The following TRPC6 variants were observed in gnomAD, a reference collection of about 807,000 sequenced individuals.
The protein encoded by TRPC6 is short transient receptor potential channel 6.
TRPC6 carries 55 observed loss-of-function variants against 90.7 expected under a neutral mutation model. The ratio of observed to expected loss-of-function variants is 0.61; its 90% confidence interval spans 0.49 to 0.76. The LOEUF (loss-of-function observed/expected upper bound fraction) is 0.76, where lower values mean the gene tolerates loss of function less well. Ranked by LOEUF, TRPC6 falls within the 30% of genes least tolerant of loss-of-function variation. The probability of loss-of-function intolerance (pLI) is 0.00; values close to 1 mark genes in which losing one functional copy is unlikely to be tolerated. For missense variants in TRPC6, 989 were observed against 1,122.7 expected (o/e 0.88, Z 1.70); for synonymous variants, 393 against 393.0 (o/e 1.00, Z 0.00).
chr11:101,538,865 C>T (rs536979337), intron 1 of TRPC6, among the ~76,000 whole-genome samples: 22 of 152,256 alleles, frequency 1.4e-4, no homozygotes, highest in African/African-American at 5.3e-4. Flanking sequence ...AAACAGAGAC[C>T]TCAGTCCTTC....
chr11:101,550,258 T>C (rs899368116), intron 1 of TRPC6, among the ~76,000 whole-genome samples: 1 of 151,592 alleles, frequency 6.6e-6, no homozygotes, highest in African/African-American at 2.4e-5. Flanking sequence ...TTTATCTGCC[T>C]TTTATCATAA....
At chr11:101,491,836 CTTTT>C (rs71056611) in intron 2 of TRPC6, 98 bp from the exon 3 acceptor site, 2,421 of 440,960 alleles carry the variant, frequency 5.5e-3, no homozygotes, top group East Asian at 9.2e-3. Flanking sequence ...GAGAAACATT[CTTTT>C]TTTTTTTTTT....
At chr11:101,560,900 C>CAG (rs1861696882) in intron 1 of TRPC6, among the ~76,000 whole-genome samples, 2 of 152,062 alleles carry the variant, frequency 1.3e-5, no homozygotes, top group Non-Finnish European at 2.9e-5. Context: ...TGAGGGAAGG[C>CAG]AGAAGTCAGA....
intron 9 of TRPC6, 82 bp from the exon 10 acceptor site, chr11:101,469,583 T>G (rs190132838): frequency 4.2e-4 from 281 of 663,418 alleles, no homozygotes; most frequent in Non-Finnish European, 6.4e-4. Context: ...CCATTTCGTC[T>G]AATTCTCCAA....
Position 101,583,693 on chromosome 11 carries a change from A to G in TRPC6, c.-190T>C, listed in dbSNP as rs925846642. 11 of 555,370 alleles carry G rather than the reference A, an allele frequency of 2.0e-5. No individual in the cohort carries two copies. Among genetic ancestry groups the G allele is most frequent in the Non-Finnish European group, 2.7e-5 (9 of 338,916 alleles). 34.4% of individuals were successfully genotyped at this position (555,370 alleles called of 1,614,324 possible). On this transcript the variant is annotated 5_prime_UTR_variant, in exon 1 of 13. Transcript: ENST00000344327. ...GTGGCTCGCCCACTGGCCCGGGGAAAAGTCACCACTTAAGGGGGTGCAAAG... is the reference window on the plus strand; with the variant it reads ...GTGGCTCGCCCACTGGCCCGGGGAAGAGTCACCACTTAAGGGGGTGCAAAG...
chr11:101,476,487 C>G lies in TRPC6; in HGVS notation c.1558G>C (p.Glu520Gln). The change falls in exon 6 of 13, where the codon GAA becomes CAA. Residue 520 changes from glutamate (E) to glutamine (Q), a missense_variant. Around this residue, in one of 4 missense-constraint regions of TRPC6, gnomAD observed 486 missense variants for 591.9 expected, o/e 0.82. Coordinates refer to ENST00000344327, the MANE Select transcript of TRPC6 (RefSeq NM_004621.6). ...ATGTTCCACAACTCAAACAAATATT[C>G]CTTGGGGCCCTGAGTCCAGATTTCT... ...CKEIWTQGPK[E>Q]YLFELWNMLD... 1.2e-6 allele frequency: 2 copies of G among 1,614,096 alleles called. No individual in the cohort carries two copies. Among genetic ancestry groups the G allele is most frequent in the Non-Finnish European group, 1.7e-6 (2 of 1,180,016 alleles).
At chr11:101,453,493 A>T (rs1858810754) in intron 12 of TRPC6, 157 bp downstream of exon 12, 2 of 756,876 alleles carry the variant, frequency 2.6e-6, no homozygotes, top group Non-Finnish European at 4.6e-6. Flanking sequence ...CCTGTTCCCC[A>T]CTCTTTAACA....
intron 4 of TRPC6, among the ~76,000 whole-genome samples, chr11:101,484,158 T>C (rs1042010614): frequency 3.9e-5 from 6 of 152,214 alleles, no homozygotes; most frequent in Non-Finnish European, 4.4e-5. Context: ...CACTGTTAAC[T>C]TGTAATCATT....
intron 1 of TRPC6, among the ~76,000 whole-genome samples, chr11:101,550,863 C>T (rs1182785096): frequency 2.6e-5 from 4 of 151,616 alleles, no homozygotes; most frequent in Non-Finnish European, 5.9e-5. Flanking sequence ...CTTAACTATA[C>T]ATTCATTGAG....
intron 5 of TRPC6, among the ~76,000 whole-genome samples, chr11:101,479,556 C>T (rs1859498970): frequency 6.6e-6 from 1 of 152,222 alleles, no homozygotes; most frequent in South Asian, 2.1e-4. Flanking sequence ...CCAGATAACA[C>T]ACCCAACATC....
intron 2 of TRPC6, among the ~76,000 whole-genome samples, chr11:101,496,488 A>G (rs900219381): frequency 1.3e-5 from 2 of 152,204 alleles, no homozygotes; most frequent in African/African-American, 2.4e-5. Context: ...GCACTATTCT[A>G]TAGAAAAGGT....
At chr11:101,516,942 T>C (rs1399208053) in intron 1 of TRPC6, among the ~76,000 whole-genome samples, 2 of 152,258 alleles carry the variant, frequency 1.3e-5, no homozygotes, top group African/African-American at 2.4e-5. Context: ...AGTAAGGCTG[T>C]CAATCAAGGT....
chr11:101,537,415 G>C (rs565169010), intron 1 of TRPC6, among the ~76,000 whole-genome samples: 1 of 151,174 alleles, frequency 6.6e-6, no homozygotes, highest in East Asian at 1.9e-4. Flanking sequence ...TTTTTTTGTA[G>C]TTACACCATA....
intron 1 of TRPC6, among the ~76,000 whole-genome samples, chr11:101,554,680 T>G (rs1198208044): frequency 6.6e-6 from 1 of 151,964 alleles, no homozygotes; most frequent in Non-Finnish European, 1.5e-5. Context: ...ACCCAAAAAG[T>G]GAGGAAAAAA....
chr11:101,481,653 AC>A (rs1565210955), intron 5 of TRPC6, among the ~76,000 whole-genome samples: 1 of 152,120 alleles, frequency 6.6e-6, no homozygotes, highest in Non-Finnish European at 1.5e-5. Context: ...TTTGGGGTTT[AC>A]CTATTAGGGT....
chr11:101,574,563 T>C (rs1376175826), intron 1 of TRPC6, among the ~76,000 whole-genome samples: 1 of 151,220 alleles, frequency 6.6e-6, no homozygotes, highest in African/African-American at 2.5e-5. Context: ...ATTAAGAATC[T>C]TTCCAGATGG....
Position 101,582,886 on chromosome 11 carries a change from G to C in TRPC6, c.170+448C>G, listed in dbSNP as rs547824239. On this transcript the variant is annotated intron_variant, in intron 1 of 12. Coordinates refer to ENST00000344327, the MANE Select transcript of TRPC6 (RefSeq NM_004621.6). Reference sequence around the variant, plus strand: ...GCCGGGCGCACCCAGCACCCAGGCAGCTCCAACCCTTGGAGTTCTAGTCAT... The same window carrying C: ...GCCGGGCGCACCCAGCACCCAGGCACCTCCAACCCTTGGAGTTCTAGTCAT... 1.3e-4 allele frequency among the ~76,000 whole-genome samples: 20 copies of C among 152,214 alleles called. No individual in the cohort carries two copies. In the South Asian group the frequency reaches 2.7e-3, roughly 21 times the overall value.
Position 101,468,707 on chromosome 11 carries a change from C to G in TRPC6, c.2484+720G>C, listed in dbSNP as rs1859209548. Among the ~76,000 whole-genome samples, 3 of 152,184 alleles carry G rather than the reference C, an allele frequency of 2.0e-5. No homozygotes were observed. In the South Asian group the frequency reaches 6.2e-4, roughly 32 times the overall value. ...AGAAACTCCTGCCTGGTAACAGCCCCATACTGCATAAATCTGGGGAGTTAA... is the reference window on the plus strand; with the variant it reads ...AGAAACTCCTGCCTGGTAACAGCCCGATACTGCATAAATCTGGGGAGTTAA... On this transcript the variant is annotated intron_variant, in intron 10 of 12. Transcript: ENST00000344327.
chr11:101,525,011 C>T (rs767845150), intron 1 of TRPC6, among the ~76,000 whole-genome samples: 5 of 152,086 alleles, frequency 3.3e-5, no homozygotes, highest in African/African-American at 4.8e-5. Context: ...ATAGCCTTTG[C>T]GTTAAGTAGA....
Sources: gnomAD v4.1 joint callset for allele counts (sites outside exome capture counted in the v4.1 genomes callset) on GRCh38, gnomAD v4.1.1 for gene constraint, gnomAD v4.1.1 regional missense constraint, MANE v1.5 for transcripts, NCBI Gene and HGNC (gene_info 2026-07-23, HGNC 2026-07-21) for gene names.